HYAL2: variants seen among roughly 807,000 people sequenced by gnomAD.
The protein encoded by HYAL2 is hyaluronidase-2.
In HYAL2, 30 loss-of-function variants were observed where a neutral mutation model predicts 35.4. The observed-to-expected ratio is 0.85, with a 90% confidence interval of 0.63 to 1.15. HYAL2 has a LOEUF of 1.15. Among genes scored for constraint, HYAL2 ranks in the 50% most tolerant of loss-of-function variants. The pLI is 0.00. For synonymous variants in HYAL2, 262 were observed against 252.8 expected (o/e 1.04, Z -0.34); for missense variants, 635 against 646.5 (o/e 0.98, Z 0.19).
Position 50,319,813 on chromosome 3 carries a change from C to T in HYAL2, c.677G>A (p.Arg226His), listed in dbSNP as rs374137877. ...GCGGGCCACCTCAACATCAGGGCAG[C>T]GGCCTGTGTAGCTCTCCCAGTTCTG... ...YVQNWESYTG[R>H]CPDVEVARND... is the part of the protein sequence containing the mutation. The change falls in exon 2 of 4, where the codon CGC becomes CAC. Residue 226 changes from arginine to histidine, a missense_variant. By Grantham distance (29) the Arg-to-His change is conservative. Transcript: ENST00000357750. The T allele has an allele frequency of 1.7e-4, 273 of 1,613,698 alleles. 1 individual carries two copies. Among genetic ancestry groups the T allele is most frequent in the Non-Finnish European group, 2.2e-4 (262 of 1,180,022 alleles).
intron 2 of HYAL2, among the ~76,000 whole-genome samples, 154 bp from the exon 3 acceptor site, chr3:50,319,199 T>C (rs1702628555): frequency 6.6e-6 from 1 of 152,214 alleles, no homozygotes; most frequent in Non-Finnish European, 1.5e-5. Context: ...TTTTGCTTCC[T>C]TTTTAAACAT....
At position 50,318,898 on chromosome 3, in the gene HYAL2, G is replaced by A. The variant is rs587614780; in HGVS notation, c.1011+58C>T. On this transcript the variant is annotated intron_variant, in intron 3 of 3. Coordinates refer to ENST00000357750, the MANE Select transcript of HYAL2 (RefSeq NM_003773.5). This position sits in a 1 kb window ranked among gnomAD's most constrained non-coding sequence, Gnocchi z 4.5. Reference sequence around the variant, plus strand: ...TGCCCACCTGAGGTTGGTAGCCAAAGGCCCTAACTCTCTGTCTGTCCCATA... The same window carrying A: ...TGCCCACCTGAGGTTGGTAGCCAAAAGCCCTAACTCTCTGTCTGTCCCATA... 2 of 1,459,840 alleles carry A rather than the reference G, an allele frequency of 1.4e-6. No individual in the cohort carries two copies. Among genetic ancestry groups the A allele is most frequent in the East Asian group, 2.3e-5 (1 of 43,968 alleles). 90.4% of individuals were successfully genotyped at this position (1,459,840 alleles called of 1,614,324 possible).
rs782356446 is a variant in HYAL2 at position 50,319,551 on chromosome 3, G to A, written c.921+18C>T. The A allele has an allele frequency of 1.3e-6, 2 of 1,590,162 alleles. No individual in the cohort carries two copies. Among genetic ancestry groups the A allele is most frequent in the Non-Finnish European group, 1.7e-6 (2 of 1,165,424 alleles). ...CCTCAAGGAAGGAGAAAAAAGGCAG[G>A]GCCCTGGAGACACATACCTCACTAA... On this transcript the variant is annotated intron_variant, in intron 2 of 3. Coordinates refer to ENST00000357750, the MANE Select transcript of HYAL2 (RefSeq NM_003773.5).
Position 50,318,924 on chromosome 3 carries a change from G to T in HYAL2, c.1011+32C>A. On this transcript the variant is annotated intron_variant, in intron 3 of 3. Coordinates refer to ENST00000357750, the MANE Select transcript of HYAL2 (RefSeq NM_003773.5). This position sits in a 1 kb window ranked among gnomAD's most constrained non-coding sequence, Gnocchi z 4.5. ...GCCCTAACTCTCTGTCTGTCCCATA[G>T]ACTGAGCTCTGGCAGGCTGGGTCTC... 6.3e-7 allele frequency: 1 copy of T among 1,582,796 alleles called. No individual in the cohort carries two copies. The highest frequency in any genetic ancestry group is 8.7e-7 in the Non-Finnish European group (1 of 1,151,720).
In HYAL2 at chr3:50,319,997, C is replaced by T. The variant is rs1463621103; in HGVS notation, c.493G>A (p.Asp165Asn). The T allele has an allele frequency of 6.2e-7, 1 of 1,613,254 alleles. No individual in the cohort carries two copies. The highest frequency in any genetic ancestry group is 1.7e-5 in the Admixed American group (1 of 60,012). Residue 165 changes from aspartate (D) to asparagine (N), a missense_variant, in exon 2 of 4, where the codon GAC (aspartate) becomes AAC (asparagine). Transcript: ENST00000357750. ...TTGACTATGCGGTCTGGAGGCCAGT[C>T]AGGGTGACGACTGGCCACTAGCTGG... Reference protein sequence around the residue: ...SRQLVASRHPDWPPDRIVKQA... With the variant: ...SRQLVASRHPNWPPDRIVKQA...
At position 50,322,190 on chromosome 3, in the gene HYAL2, G is replaced by C. The variant is rs1401281396; in HGVS notation, c.-47+463C>G. On this transcript the variant is annotated intron_variant, in intron 1 of 3. Coordinates refer to ENST00000357750, the MANE Select transcript of HYAL2 (RefSeq NM_003773.5). This position sits in a 1 kb window ranked among gnomAD's most constrained non-coding sequence, Gnocchi z 5.5. The stretch of plus-strand genomic sequence containing the variant: ...CGGCGTGGCCGCAGGGTTGGGGTCA[G>C]GGAAGCTCAGAGGGGTCTAGGAGGT... 8 of 152,378 alleles carry C rather than the reference G, an allele frequency of 5.3e-5. No homozygotes were observed. Among genetic ancestry groups the C allele is most frequent in the African/African-American group, 1.4e-4 (6 of 41,462 alleles). The allele number at this position is 152,378 out of a possible 1,614,324, so 9.4% of individuals were successfully genotyped here.
Position 50,320,420 on chromosome 3 carries a change from T to A in HYAL2, c.70A>T (p.Lys24Ter). 1 of 1,602,814 alleles carries A rather than the reference T, an allele frequency of 6.2e-7. No individual in the cohort carries two copies. Among genetic ancestry groups the A allele is most frequent in the South Asian group, 1.1e-5 (1 of 89,490 alleles). ...GTGAAGATGGGTGGTGCTGTGGGCT[T>A]GAGCTCCATGGCCCATGACACCGCC... Reference protein sequence around the residue: ...VLAVSWAMELKPTAPPIFTGR... With the variant: ...VLAVSWAMEL The change falls in exon 2 of 4, where the codon AAG becomes TAG. Residue 24 changes from lysine to a stop codon, truncating the protein, a stop_gained. Transcript: ENST00000357750. LOFTEE classifies it high-confidence loss of function. The surrounding 1 kb of genome is among the most constrained non-coding windows in gnomAD (Gnocchi z 4.8).
In HYAL2 at chr3:50,319,926, C is replaced by T. The variant is rs200623331; in HGVS notation, c.564G>A (p.Leu188=). 112 of 1,613,638 alleles carry T rather than the reference C, an allele frequency of 6.9e-5. No individual in the cohort carries two copies. The highest frequency in any genetic ancestry group is 5.0e-5 in the Admixed American group (3 of 60,014). The change falls in exon 2 of 4, where the codon CTG becomes CTA. Residue 188 remains leucine (L), a synonymous_variant. Coordinates refer to ENST00000357750, the MANE Select transcript of HYAL2 (RefSeq NM_003773.5). ...CTGCCTTGACATAACGCAGTGTCTCCAGCATGAACTGCTGTGCTGCGAACT... is the reference window on the plus strand; with the variant it reads ...CTGCCTTGACATAACGCAGTGTCTCTAGCATGAACTGCTGTGCTGCGAACT... ...EFEFAAQQFM[L]ETLRYVKAVR...
chr3:50,319,070 TG>T (rs1553716056), intron 2 of HYAL2, 25 bp from the exon 3 acceptor site: 6 of 1,521,368 alleles, frequency 3.9e-6, no homozygotes, highest in Non-Finnish European at 5.4e-6. Context: ...GGATGGTCAC[TG>T]GGGAAGACTG....
At position 50,318,820 on chromosome 3, in the gene HYAL2, T is replaced by C. The variant is rs1410753708; in HGVS notation, c.1011+136A>G. Reference sequence around the variant, plus strand: ...GCAGGGCCGGGGTGACCTCCTCCTGTTGCCACCAGGGATGCCTCGGGTGGG... The same window carrying C: ...GCAGGGCCGGGGTGACCTCCTCCTGCTGCCACCAGGGATGCCTCGGGTGGG... On this transcript the variant is annotated intron_variant, in intron 3 of 3. Coordinates refer to ENST00000357750, the MANE Select transcript of HYAL2 (RefSeq NM_003773.5). The surrounding 1 kb of genome is among the most constrained non-coding windows in gnomAD (Gnocchi z 4.5). The C allele has an allele frequency of 1.2e-6, 1 of 802,684 alleles. No homozygotes were observed. 49.7% of individuals were successfully genotyped at this position (802,684 alleles called of 1,614,324 possible). A position where few individuals can be genotyped will look rare whatever the true frequency, so the allele number is the denominator to read the frequency against.
At position 50,322,270 on chromosome 3, in the gene HYAL2, C is replaced by T. The variant is rs1702715285; in HGVS notation, c.-47+383G>A. The stretch of plus-strand genomic sequence containing the variant: ...GGCGGGACAGTCATCCCTGAGATCC[C>T]GTCCTTTTCTGCCCAGTCTCTGAGG... On this transcript the variant is annotated intron_variant, in intron 1 of 3. Transcript: ENST00000357750. The surrounding 1 kb of genome is among the most constrained non-coding windows in gnomAD (Gnocchi z 5.5). 3 of 152,244 alleles carry T rather than the reference C, an allele frequency of 2.0e-5. No homozygotes were observed. The highest frequency in any genetic ancestry group is 7.2e-5 in the African/African-American group (3 of 41,434). The allele number at this position is 152,244 out of a possible 1,614,324, so 9.4% of individuals were successfully genotyped here.
At chr3:50,319,448 T>A in intron 2 of HYAL2, 121 bp downstream of exon 2, 1 of 821,110 alleles carries the variant, frequency 1.2e-6, no homozygotes, top group Non-Finnish European at 1.9e-6. Context: ...ACAGAATGAT[T>A]TGAGGGGATG....
rs1174983399 is a variant in HYAL2, at chr3:50,322,695, C to T, written c.-89G>A. 6.6e-6 allele frequency: 1 copy of T among 152,240 alleles called. No individual in the cohort carries two copies. Among genetic ancestry groups the T allele is most frequent in the East Asian group, 1.9e-4 (1 of 5,192 alleles). 9.4% of individuals were successfully genotyped at this position (152,240 alleles called of 1,614,324 possible). A position where few individuals can be genotyped will look rare whatever the true frequency, so the allele number is the denominator to read the frequency against. On this transcript the variant is annotated 5_prime_UTR_variant, in exon 1 of 4. Transcript: ENST00000357750. This position sits in a 1 kb window ranked among gnomAD's most constrained non-coding sequence, Gnocchi z 5.5. ...GGCCCAGTAGGTCGGTGGCCTCCCTCCTTCCTGGGGTGAGCCTCTCCAGCT... is the reference window on the plus strand; with the variant it reads ...GGCCCAGTAGGTCGGTGGCCTCCCTTCTTCCTGGGGTGAGCCTCTCCAGCT...
rs1215214684 is a variant in HYAL2 at position 50,322,501 on chromosome 3, C to T, written c.-47+152G>A. On this transcript the variant is annotated intron_variant, in intron 1 of 3. Coordinates refer to ENST00000357750, the MANE Select transcript of HYAL2 (RefSeq NM_003773.5). This position sits in a 1 kb window ranked among gnomAD's most constrained non-coding sequence, Gnocchi z 5.5. ...CCCGTGCGAAACCACCTCGGCTCTT[C>T]CTAGGTCCGCTCCCTTGTGCGAGAC... is the stretch of plus-strand genomic sequence containing the variant. 3 of 152,312 alleles carry T rather than the reference C, an allele frequency of 2.0e-5. No homozygotes were observed. The East Asian group carries it at 5.8e-4, about 29-fold the overall frequency. 9.4% of individuals were successfully genotyped at this position (152,312 alleles called of 1,614,324 possible).
At position 50,318,228 on chromosome 3, in the gene HYAL2, G is replaced by C. The variant is rs1702599083; in HGVS notation, c.1323C>G (p.Asp441Glu). Residue 441 changes from aspartate to glutamate, a missense_variant, in exon 4 of 4, where the codon GAC becomes GAG. Asp to Glu is a conservative substitution (Grantham distance 45). Coordinates refer to ENST00000357750, the MANE Select transcript of HYAL2 (RefSeq NM_003773.5). The surrounding 1 kb of genome is among the most constrained non-coding windows in gnomAD (Gnocchi z 4.5). ...LGWSGEQCQW[D>E]HRQAAGGASE... ...TGGCACCTCCAGCTGCCTGCCTATG[G>C]TCCCACTGGCATTGCTCACCACTCC... 1 of 1,613,324 alleles carries C rather than the reference G, an allele frequency of 6.2e-7. No individual in the cohort carries two copies. The highest frequency in any genetic ancestry group is 8.5e-7 in the Non-Finnish European group (1 of 1,180,040).
At position 50,318,428 on chromosome 3, in the gene HYAL2, G is replaced by A. The variant is rs782015765; in HGVS notation, c.1123C>T (p.Arg375Cys). ...GCACTGGGGTTGCGGCGCACACAGC[G>A]CCCATGGCCATGGCACTGGGCCCGG... ...CSRAQCHGHG[R>C]CVRRNPSAST... The change falls in exon 4 of 4, where the codon CGC (arginine) becomes TGC (cysteine). Residue 375 changes from arginine to cysteine, a missense_variant. By Grantham distance (180) the Arg-to-Cys change is radical (BLOSUM62 -3). Transcript: ENST00000357750. The surrounding 1 kb of genome is among the most constrained non-coding windows in gnomAD (Gnocchi z 4.5). The A allele has an allele frequency of 4.3e-6, 7 of 1,613,246 alleles. No individual in the cohort carries two copies. The highest frequency in any genetic ancestry group is 5.9e-6 in the Non-Finnish European group (7 of 1,180,038).
Position 50,319,968 on chromosome 3 carries a change from C to G in HYAL2, c.522G>C (p.Gln174His). 6.2e-7 allele frequency: 1 copy of G among 1,613,594 alleles called. No individual in the cohort carries two copies. Among genetic ancestry groups the G allele is most frequent in the African/African-American group, 1.3e-5 (1 of 75,072 alleles). ...PDWPPDRIVK[Q>H]AQYEFEFAAQ... is the part of the protein sequence containing the mutation. ...CTGCGAACTCAAACTCATATTGTGC[C>G]TGTTTGACTATGCGGTCTGGAGGCC... Residue 174 changes from glutamine to histidine, a missense_variant, in exon 2 of 4, where the codon CAG (glutamine) becomes CAC (histidine). Gln to His is a conservative substitution (Grantham distance 24). Coordinates refer to ENST00000357750, the MANE Select transcript of HYAL2 (RefSeq NM_003773.5).
rs587599795 is a variant in HYAL2 at position 50,318,722 on chromosome 3, G to C, written c.1012-183C>G. ...TGAGAAGTGGGTGGGGGTACAGACC[G>C]GAACCCAGTTGGGCAGATGGGGAAG... On this transcript the variant is annotated intron_variant, in intron 3 of 3. Coordinates refer to ENST00000357750, the MANE Select transcript of HYAL2 (RefSeq NM_003773.5). The surrounding 1 kb of genome is among the most constrained non-coding windows in gnomAD (Gnocchi z 4.5). 1.4e-6 allele frequency: 1 copy of C among 706,692 alleles called. No homozygotes were observed. 43.8% of individuals were successfully genotyped at this position (706,692 alleles called of 1,614,324 possible).
rs1702713026 is a variant in HYAL2, at chr3:50,322,154, G to C, written c.-47+499C>G. On this transcript the variant is annotated intron_variant, in intron 1 of 3. Transcript: ENST00000357750. The surrounding 1 kb of genome is among the most constrained non-coding windows in gnomAD (Gnocchi z 5.5). ...AGGCAGTCGTTATCCTGGCAGCCCG[G>C]CTCTGGGTCGCGGCGTGGCCGCAGG... 6.6e-6 allele frequency: 1 copy of C among 152,400 alleles called. No individual in the cohort carries two copies. Among genetic ancestry groups the C allele is most frequent in the African/African-American group, 2.4e-5 (1 of 41,450 alleles). The allele number at this position is 152,400 out of a possible 1,614,324, so 9.4% of individuals were successfully genotyped here. A position where few individuals can be genotyped will look rare whatever the true frequency, so the allele number is the denominator to read the frequency against.
Sources: allele counts gnomAD v4.1 joint callset (sites outside exome capture counted in the v4.1 genomes callset), GRCh38; gene constraint gnomAD v4.1.1; non-coding constraint Gnocchi (gnomAD v3.1); transcripts MANE v1.5; gene names NCBI Gene and HGNC (gene_info 2026-07-23, HGNC 2026-07-21).